EBF1: variants seen among roughly 807,000 people sequenced by gnomAD.
The protein encoded by EBF1 is EBF transcription factor 1, also known as transcription factor COE1.
Under a neutral mutation model 68.4 loss-of-function variants are expected in EBF1, and 10 were observed. The ratio of observed to expected loss-of-function variants is 0.15; its 90% CI spans 0.09 to 0.25. EBF1 has a LOEUF of 0.25. EBF1 is among the 10% of genes least tolerant of loss of function. EBF1 has a pLI of 1.00. For missense variants in EBF1, 509 were observed against 794.4 expected, an observed-to-expected ratio of 0.64 and a Z score of 4.32; for synonymous variants, 298 against 299.8, an observed-to-expected ratio of 0.99 and a Z score of 0.06.
At chr5:158,924,705 T>G (rs1276082160) in intron 6 of EBF1, among the ~76,000 whole-genome samples, 2 of 151,664 alleles carry the variant, frequency 1.3e-5, no homozygotes. Flanking sequence ...ACAAAAAAAT[T>G]AGCCGGGCGT....
chr5:159,013,895 T>C (rs1765145206), intron 6 of EBF1, among the ~76,000 whole-genome samples: 1 of 152,200 alleles, frequency 6.6e-6, no homozygotes, highest in African/African-American at 2.4e-5. Context: ...GCTGAAAAAG[T>C]ATGCCTCTCT....
intron 6 of EBF1, among the ~76,000 whole-genome samples, chr5:159,068,050 A>C (rs986485979): frequency 2.6e-5 from 4 of 152,204 alleles, no homozygotes; most frequent in Non-Finnish European, 1.5e-5. Context: ...ATTTGTGTAT[A>C]GTGCAGAATG....
At chr5:158,828,156 G>A (rs1006826120) in intron 7 of EBF1, among the ~76,000 whole-genome samples, 1 of 152,018 alleles carries the variant, frequency 6.6e-6, no homozygotes, top group Non-Finnish European at 1.5e-5. Flanking sequence ...AAAAGCACTG[G>A]GCAGCATTTC....
At chr5:158,995,574 C>T (rs907301530) in intron 6 of EBF1, among the ~76,000 whole-genome samples, 4 of 152,074 alleles carry the variant, frequency 2.6e-5, no homozygotes, top group African/African-American at 7.2e-5. Flanking sequence ...AGGAAAAAGC[C>T]CCGAACAGGG....
At chr5:158,850,475 A>G (rs530540489) in intron 6 of EBF1, among the ~76,000 whole-genome samples, 1 of 152,344 alleles carries the variant, frequency 6.6e-6, no homozygotes, top group Non-Finnish European at 1.5e-5. Flanking sequence ...GTCCTGGCAG[A>G]GAGAAAGTAG....
chr5:158,909,745 T>G (rs1049025352), intron 6 of EBF1, among the ~76,000 whole-genome samples: 19 of 152,056 alleles, frequency 1.2e-4, no homozygotes, highest in African/African-American at 4.3e-4. Context: ...GAGACCATCC[T>G]GGCCAACATA....
At chr5:158,767,130 A>C (rs1364216722) in intron 10 of EBF1, among the ~76,000 whole-genome samples, 1 of 152,122 alleles carries the variant, frequency 6.6e-6, no homozygotes, top group Non-Finnish European at 1.5e-5. Context: ...TAATAACCAA[A>C]TCTCATGCCT....
chr5:158,999,718 G>T (rs1762142682), intron 6 of EBF1, among the ~76,000 whole-genome samples: 1 of 152,040 alleles, frequency 6.6e-6, no homozygotes, highest in African/African-American at 2.4e-5. Context: ...TTTCTTCTTT[G>T]AAATGAAGCA....
intron 6 of EBF1, among the ~76,000 whole-genome samples, chr5:158,876,231 C>G (rs916148772): frequency 6.6e-6 from 1 of 152,190 alleles, no homozygotes; most frequent in African/African-American, 2.4e-5. Flanking sequence ...AAAGCAGGCA[C>G]TGTACTTTGC....
chr5:158,782,072 T>C (rs1431382471), intron 9 of EBF1, among the ~76,000 whole-genome samples: 1 of 152,188 alleles, frequency 6.6e-6, no homozygotes, highest in Non-Finnish European at 1.5e-5. Context: ...CACCATTCCC[T>C]TGCCCAACAG....
chr5:158,823,137 T>A, intron 8 of EBF1, 39 bp downstream of exon 8: 1 of 1,613,480 alleles, frequency 6.2e-7, no homozygotes, highest in East Asian at 2.2e-5. Flanking sequence ...TATTCACAGT[T>A]AAAGTAGCAA....
intron 5 of EBF1, among the ~76,000 whole-genome samples, chr5:159,080,873 A>C (rs1308089337): frequency 6.6e-6 from 1 of 152,250 alleles, no homozygotes; most frequent in African/African-American, 2.4e-5. Flanking sequence ...GTGGGCAAAA[A>C]GTTACAAATG....
intron 6 of EBF1, among the ~76,000 whole-genome samples, chr5:159,072,895 C>T (rs942325064): frequency 5.9e-5 from 9 of 152,084 alleles, no homozygotes; most frequent in African/African-American, 1.2e-4. Flanking sequence ...CAATCAAATC[C>T]GGCAAATAAC....
intron 6 of EBF1, among the ~76,000 whole-genome samples, chr5:159,039,675 C>A (rs952511886): frequency 6.6e-6 from 1 of 152,164 alleles, no homozygotes; most frequent in South Asian, 2.1e-4. Context: ...ATATTAAAAG[C>A]GGTTTTGTCA....
chr5:158,991,545 C>T (rs1760332014), intron 6 of EBF1, among the ~76,000 whole-genome samples: 2 of 152,180 alleles, frequency 1.3e-5, no homozygotes, highest in African/African-American at 4.8e-5. Context: ...CGCGCACACA[C>T]AATTGTTCAC....
chr5:159,019,762 C>T (rs895456391), intron 6 of EBF1, among the ~76,000 whole-genome samples: 17 of 152,102 alleles, frequency 1.1e-4, no homozygotes, highest in African/African-American at 4.1e-4. Context: ...TTCTTTCACG[C>T]CAGTGGCTCC....
chr5:158,908,707 A>G (rs1260154015), intron 6 of EBF1, among the ~76,000 whole-genome samples: 1 of 152,242 alleles, frequency 6.6e-6, no homozygotes, highest in African/African-American at 2.4e-5. Flanking sequence ...TTGCACCTCC[A>G]AACACAAATT....
intron 6 of EBF1, among the ~76,000 whole-genome samples, chr5:158,969,600 C>CAA (rs61084099): frequency 6.1e-5 from 3 of 49,182 alleles, no homozygotes; most frequent in Non-Finnish European, 1.2e-4. Flanking sequence ...CCCATCTCTA[C>CAA]AAAAAAAAAA....
Position 158,699,058 on chromosome 5 carries a change from C to A in EBF1, c.*53G>T. ...ACTCTGGGACTTGTATCAGATTACT[C>A]TCTGTAGCAGAATCCAACCTCTTCA... On this transcript the variant is annotated 3_prime_UTR_variant, in exon 16 of 16. Transcript: ENST00000313708. The A allele has an allele frequency of 6.5e-7, 1 of 1,532,088 alleles. No individual in the cohort carries two copies. The highest frequency in any genetic ancestry group is 8.8e-7 in the Non-Finnish European group (1 of 1,133,742). 94.9% of individuals were successfully genotyped at this position (1,532,088 alleles called of 1,614,324 possible). A position where few individuals can be genotyped will look rare whatever the true frequency, so the allele number is the denominator to read the frequency against.
Sources: gnomAD v4.1 joint callset for allele counts (sites outside exome capture counted in the v4.1 genomes callset) on GRCh38, gnomAD v4.1.1 for gene constraint, MANE v1.5 for transcripts, NCBI Gene and HGNC (gene_info 2026-07-23, HGNC 2026-07-21) for gene names.